The following MDN1 variants were observed in gnomAD, a reference collection of about 807,000 sequenced individuals.
The protein encoded by MDN1 is midasin.
Under a neutral mutation model 669.2 loss-of-function variants are expected in MDN1, and 266 were observed. That is an observed-to-expected ratio of 0.40 (90% confidence interval 0.36 to 0.44). The LOEUF is 0.44. MDN1 is among the 20% of genes least tolerant of loss of function. The pLI, the probability that MDN1 is intolerant of heterozygous loss-of-function variation, is 1.00. For synonymous variants in MDN1, 2,385 were observed against 2,457.1 expected (o/e 0.97, Z 0.87); for missense variants, 5,940 against 6,754.0 (o/e 0.88, Z 4.22).
intron 48 of MDN1, 118 bp downstream of exon 48, chr6:89,712,457 C>T (rs1814007177): frequency 9.2e-6 from 10 of 1,091,680 alleles, no homozygotes; most frequent in South Asian, 7.2e-5. Flanking sequence ...AAAACTATGA[C>T]AGCTACACAA....
At chr6:89,769,823 A>G (rs1817992072) in intron 15 of MDN1, among the ~76,000 whole-genome samples, 1 of 152,192 alleles carries the variant, frequency 6.6e-6, no homozygotes, top group Non-Finnish European at 1.5e-5. Flanking sequence ...ACATAACACT[A>G]CAAATTCACA....
In MDN1 at chr6:89,819,375, A is replaced by AG. The variant is rs1260696776; in HGVS notation, c.102+130dup. On this transcript the variant is annotated intron_variant, in intron 1 of 101. Coordinates refer to ENST00000369393, the MANE Select transcript of MDN1 (RefSeq NM_014611.3). ...TCCACGACCTGCGCCAGCCCACAGG[A>AG]GGGGGCCAGCTTGACCTGAGGCTGC... The AG allele has an allele frequency of 2.4e-5, 20 of 825,956 alleles. No homozygotes were observed. In the East Asian group the frequency reaches 4.9e-4, roughly 20 times the overall value. 51.2% of individuals were successfully genotyped at this position (825,956 alleles called of 1,614,324 possible).
intron 33 of MDN1, among the ~76,000 whole-genome samples, chr6:89,735,641 G>C (rs374185103): frequency 5.3e-5 from 8 of 152,146 alleles, no homozygotes; most frequent in Admixed American, 3.3e-4. Context: ...ACCCACAGTG[G>C]TATTTATATA....
rs541431415 is a variant in MDN1, at chr6:89,816,284, C to T, written c.102+3222G>A. 1.4e-4 allele frequency among the ~76,000 whole-genome samples: 21 copies of T among 152,100 alleles called. No homozygotes were observed. In the East Asian group the frequency reaches 3.9e-3, roughly 28 times the overall value. ...GCGCAGTGGCAGGTGCCTGTAATCC[C>T]GGCTACTCGAGAGGCTGAGGCAGGA... On this transcript the variant is annotated intron_variant, in intron 1 of 101. Coordinates refer to ENST00000369393, the MANE Select transcript of MDN1 (RefSeq NM_014611.3).
Position 89,714,748 on chromosome 6 carries a change from A to C in MDN1, c.6864T>G (p.Leu2288=). 1 of 1,605,414 alleles carries C rather than the reference A, an allele frequency of 6.2e-7. No individual in the cohort carries two copies. Among genetic ancestry groups the C allele is most frequent in the Non-Finnish European group, 8.5e-7 (1 of 1,176,718 alleles). Residue 2288 remains leucine, a synonymous_variant, in exon 46 of 102, where the codon CTT becomes CTG. Coordinates refer to ENST00000369393, the MANE Select transcript of MDN1 (RefSeq NM_014611.3). ...PTITPNPNFR[L]FLSMDPVHGD... is the part of the protein sequence containing the mutation. ...CATGAACAGGATCCATCGAGAGGAA[A>C]AGTCTAGAAAAATAGCAATTCAAAG...
chr6:89,708,495 C>A lies in MDN1; in HGVS notation c.7898+1G>T. 6.2e-7 allele frequency: 1 copy of A among 1,613,866 alleles called. No individual in the cohort carries two copies. Among genetic ancestry groups the A allele is most frequent in the Non-Finnish European group, 8.5e-7 (1 of 1,179,892 alleles). On this transcript the variant is annotated splice_donor_variant, in intron 51 of 101. Transcript: ENST00000369393. LOFTEE classifies it high-confidence loss of function. ...TGCCCAGAGCAGCAGGTTTCACTTA[C>A]TTGTTTGCAGCTGATTCTAAAAGGG... is the stretch of plus-strand genomic sequence containing the variant.
At chr6:89,780,362 A>C in intron 10 of MDN1, 69 bp from the exon 11 acceptor site, 1 of 968,948 alleles carries the variant, frequency 1.0e-6, no homozygotes, top group Non-Finnish European at 1.5e-6. Flanking sequence ...AAGGCATCAG[A>C]ATTTATTGAC....
In MDN1 at chr6:89,699,639, C is replaced by G. The variant is rs1285904014; in HGVS notation, c.8959G>C (p.Glu2987Gln). The change falls in exon 58 of 102, where the codon GAG becomes CAG. Residue 2987 changes from glutamate to glutamine, a missense_variant. Coordinates refer to ENST00000369393, the MANE Select transcript of MDN1 (RefSeq NM_014611.3). ...CLYHTPVTPQELRDLWSLLHH... is the reference protein window; with the variant it reads ...CLYHTPVTPQQLRDLWSLLHH... ...AGCAAGGACCACAGATCTCGAAGCT[C>G]TTGAGGTGTAACAGGTGTGTGATAA... 1.9e-5 allele frequency: 31 copies of G among 1,613,780 alleles called. No individual in the cohort carries two copies. Among genetic ancestry groups the G allele is most frequent in the Non-Finnish European group, 2.6e-5 (31 of 1,179,954 alleles).
chr6:89,803,057 T>C (rs17584945), intron 2 of MDN1, among the ~76,000 whole-genome samples: 14,644 of 152,244 alleles, frequency 0.096, 873 homozygotes, highest in Non-Finnish European at 0.13. Flanking sequence ...TCTTGCCACA[T>C]GATACAATCC....
intron 68 of MDN1, among the ~76,000 whole-genome samples, 158 bp from the exon 69 acceptor site, chr6:89,687,181 C>A (rs990961490): frequency 6.6e-6 from 1 of 152,120 alleles, no homozygotes; most frequent in Admixed American, 6.5e-5. Context: ...GTTGTCTGGA[C>A]TGTATTCAGG....
chr6:89,715,831 C>T (rs940117017), intron 44 of MDN1, 62 bp from the exon 45 acceptor site: 1 of 1,070,430 alleles, frequency 9.3e-7, no homozygotes, highest in Admixed American at 1.7e-5. Flanking sequence ...TTCTTTCCTT[C>T]CATGCACGGG....
chr6:89,788,144 C>A (rs1819064838), intron 7 of MDN1, among the ~76,000 whole-genome samples, 187 bp from the exon 8 acceptor site: 2 of 152,210 alleles, frequency 1.3e-5, no homozygotes, highest in Admixed American at 1.3e-4. Context: ...ACAATTTACA[C>A]ACTCGACATT....
rs1480188287 is a variant in MDN1 at position 89,803,567 on chromosome 6, A to T, written c.103-13T>A. 3.2e-6 allele frequency: 5 copies of T among 1,582,786 alleles called. No individual in the cohort carries two copies. Among genetic ancestry groups the T allele is most frequent in the Non-Finnish European group, 3.5e-6 (4 of 1,157,180 alleles). ...GAGGTGTCCACACCTGAGAAAGGCA[A>T]AACAAAACATCTTTCACTTTTTTTT... On this transcript the variant is annotated splice_polypyrimidine_tract_variant and intron_variant, in intron 1 of 101. Coordinates refer to ENST00000369393, the MANE Select transcript of MDN1 (RefSeq NM_014611.3).
chr6:89,685,008 A>G, intron 70 of MDN1, 23 bp from the exon 71 acceptor site: 1 of 1,523,094 alleles, frequency 6.6e-7, no homozygotes, highest in South Asian at 1.1e-5. Context: ...AAAAGGAAAC[A>G]AAAATACCAC....
chr6:89,685,907 A>G lies in MDN1; in HGVS notation c.11639T>C (p.Leu3880Pro). 6.2e-7 allele frequency: 1 copy of G among 1,614,174 alleles called. No homozygotes were observed. Among genetic ancestry groups the G allele is most frequent in the Non-Finnish European group, 8.5e-7 (1 of 1,180,004 alleles). Reference sequence around the variant, plus strand: ...CTGAAGTCGCACATGGAACTCTCCCAGCGAGGATCCTTCAATAAATGCTTG... The same window carrying G: ...CTGAAGTCGCACATGGAACTCTCCCGGCGAGGATCCTTCAATAAATGCTTG... The part of the protein sequence containing the change: ...TLQAFIEGSS[L>P]GEFHVRLQML... Residue 3880 changes from leucine to proline, a missense_variant, in exon 70 of 102, where the codon CTG becomes CCG. Leu to Pro is a moderately conservative substitution (Grantham distance 98). Coordinates refer to ENST00000369393, the MANE Select transcript of MDN1 (RefSeq NM_014611.3).
At chr6:89,807,332 C>T (rs904246686) in intron 1 of MDN1, among the ~76,000 whole-genome samples, 6 of 152,196 alleles carry the variant, frequency 3.9e-5, no homozygotes, top group African/African-American at 1.4e-4. Flanking sequence ...AGAGATCCAC[C>T]TACCTAAGCC....
At chr6:89,803,077 C>T (rs1229953909) in intron 2 of MDN1, among the ~76,000 whole-genome samples, 1 of 152,162 alleles carries the variant, frequency 6.6e-6, no homozygotes, top group Non-Finnish European at 1.5e-5. Context: ...CTTGAGAGCA[C>T]TGGGGACATA....
intron 22 of MDN1, among the ~76,000 whole-genome samples, chr6:89,752,556 T>A (rs1352981398): frequency 1.3e-5 from 2 of 152,190 alleles, no homozygotes; most frequent in Non-Finnish European, 2.9e-5. Flanking sequence ...CTCAGCCTCT[T>A]TCAGTCCCAT....
At chr6:89,766,142 T>C (rs960276433) in intron 15 of MDN1, among the ~76,000 whole-genome samples, 23 of 151,834 alleles carry the variant, frequency 1.5e-4, no homozygotes, top group African/African-American at 5.6e-4. Context: ...CTACTAAAAA[T>C]ATAAAAATTA....
Sources: allele counts gnomAD v4.1 joint callset (sites outside exome capture counted in the v4.1 genomes callset), GRCh38; gene constraint gnomAD v4.1.1; transcripts MANE v1.5; gene names NCBI Gene and HGNC (gene_info 2026-07-23, HGNC 2026-07-21).